CSMD1: variants seen among roughly 807,000 people sequenced by gnomAD.
CSMD1 encodes the protein CUB and Sushi multiple domains 1.
CSMD1 carries 213 observed loss-of-function variants against 417.5 expected under a neutral mutation model. That is an observed-to-expected ratio of 0.51 (90% CI 0.46 to 0.57). CSMD1 has a LOEUF of 0.57. CSMD1 is among the 20% of genes least tolerant of loss of function. The pLI is 0.00. For missense variants in CSMD1, 6,923 were observed against 4,529.7 expected, an observed-to-expected ratio of 1.53 and a Z score of -15.17; for synonymous variants, 2,862 against 1,736.8, an observed-to-expected ratio of 1.65 and a Z score of -16.11.
chr8:4,271,957 G>A (rs936142016), intron 3 of CSMD1, among the ~76,000 whole-genome samples: 6 of 152,038 alleles, frequency 3.9e-5, no homozygotes, highest in African/African-American at 7.2e-5. Flanking sequence ...CTCATGTATG[G>A]GCAAAGTCAG....
chr8:3,624,983 G>A (rs778525185), intron 7 of CSMD1, among the ~76,000 whole-genome samples: 4 of 151,978 alleles, frequency 2.6e-5, no homozygotes, highest in Non-Finnish European at 5.9e-5. Context: ...ATAAGAAAAT[G>A]TTGCCATGGT....
chr8:4,173,226 T>A (rs995951875), intron 3 of CSMD1, among the ~76,000 whole-genome samples: 12 of 152,204 alleles, frequency 7.9e-5, no homozygotes, highest in Non-Finnish European at 1.0e-4. Context: ...AATAACTCTT[T>A]AATGCAAGCT....
chr8:3,456,601 C>T (rs552151201), intron 12 of CSMD1, among the ~76,000 whole-genome samples: 3 of 152,294 alleles, frequency 2.0e-5, no homozygotes, highest in South Asian at 2.1e-4. Flanking sequence ...GTTGCGTTCT[C>T]TCCTATCCTA....
At chr8:4,258,312 G>T (rs547941848) in intron 3 of CSMD1, among the ~76,000 whole-genome samples, 1 of 108,318 alleles carries the variant, frequency 9.2e-6, no homozygotes, top group African/African-American at 3.9e-5. Flanking sequence ...AGAGAGTGAG[G>T]GAGGAGAGGG....
At chr8:4,141,774 G>C (rs1420978086) in intron 3 of CSMD1, among the ~76,000 whole-genome samples, 5 of 151,004 alleles carry the variant, frequency 3.3e-5, no homozygotes, top group Admixed American at 2.0e-4. Context: ...ACAATACACA[G>C]AAGTGAAACA....
intron 1 of CSMD1, among the ~76,000 whole-genome samples, chr8:4,941,854 C>A (rs553415934): frequency 5.4e-4 from 82 of 152,298 alleles, no homozygotes; most frequent in African/African-American, 1.9e-3. Flanking sequence ...CCCACCTCAG[C>A]CTACCAAAGT....
intron 3 of CSMD1, among the ~76,000 whole-genome samples, chr8:4,413,070 T>A (rs925670856): frequency 2.0e-5 from 3 of 152,292 alleles, no homozygotes; most frequent in African/African-American, 7.2e-5. Flanking sequence ...CGCATATAAT[T>A]TCACAGCTTC....
intron 5 of CSMD1, among the ~76,000 whole-genome samples, chr8:3,966,442 A>G (rs1043488002): frequency 1.3e-5 from 2 of 152,114 alleles, no homozygotes; most frequent in Non-Finnish European, 2.9e-5. Flanking sequence ...ATAATTACCT[A>G]CATATATTTT....
chr8:4,706,948 C>A (rs778077115), intron 1 of CSMD1, among the ~76,000 whole-genome samples: 3 of 152,174 alleles, frequency 2.0e-5, no homozygotes, highest in Non-Finnish European at 4.4e-5. Context: ...TCATCTGAAG[C>A]TTGGCAGAGG....
At chr8:4,351,872 G>A (rs1299553035) in intron 3 of CSMD1, among the ~76,000 whole-genome samples, 1 of 151,690 alleles carries the variant, frequency 6.6e-6, no homozygotes, top group African/African-American at 2.4e-5. Context: ...TATACGACAG[G>A]ACTTGTATGT....
chr8:4,969,739 T>C (rs1445896225), intron 1 of CSMD1, among the ~76,000 whole-genome samples: 1 of 152,090 alleles, frequency 6.6e-6, no homozygotes, highest in Non-Finnish European at 1.5e-5. Flanking sequence ...TATTGCACTA[T>C]GCTCCACTGT....
chr8:2,946,554 T>C (rs34806397), intron 68 of CSMD1, among the ~76,000 whole-genome samples: 35,901 of 152,156 alleles, frequency 0.24, 5,083 homozygotes, highest in Non-Finnish European at 0.32. Flanking sequence ...ATCCTTGTTG[T>C]AGGATTCTTC....
chr8:4,253,544 T>C (rs1041182803), intron 3 of CSMD1, among the ~76,000 whole-genome samples: 1 of 152,162 alleles, frequency 6.6e-6, no homozygotes, highest in Non-Finnish European at 1.5e-5. Context: ...ATGATGTTAT[T>C]TAATCTTGGA....
intron 3 of CSMD1, among the ~76,000 whole-genome samples, chr8:4,310,532 T>TGTTA (rs1412317966): frequency 3.3e-5 from 5 of 152,086 alleles, no homozygotes; most frequent in African/African-American, 9.7e-5. Context: ...AAAATATCTT[T>TGTTA]GGACACAATA....
At chr8:3,817,625 T>A (rs1165760532) in intron 5 of CSMD1, among the ~76,000 whole-genome samples, 1 of 152,120 alleles carries the variant, frequency 6.6e-6, no homozygotes, top group African/African-American at 2.4e-5. Context: ...AATATTCATC[T>A]GGCATTTTAG....
At chr8:3,246,362 T>A (rs1410885267) in intron 26 of CSMD1, among the ~76,000 whole-genome samples, 1 of 152,196 alleles carries the variant, frequency 6.6e-6, no homozygotes, top group Non-Finnish European at 1.5e-5. Context: ...CTTATTTGGG[T>A]CACCCTGAAA....
intron 3 of CSMD1, among the ~76,000 whole-genome samples, chr8:4,241,253 C>A (rs1802380288): frequency 6.6e-6 from 1 of 152,188 alleles, no homozygotes; most frequent in Non-Finnish European, 1.5e-5. Context: ...TTCATATACA[C>A]CACAGGGCCC....
chr8:3,181,298 G>T, intron 36 of CSMD1, 84 bp from the exon 37 acceptor site: 1 of 919,304 alleles, frequency 1.1e-6, no homozygotes, highest in Non-Finnish European at 1.7e-6. Flanking sequence ...ATACTTATTA[G>T]GCTTACAAAT....
At chr8:4,060,835 T>G (rs565612154) in intron 3 of CSMD1, among the ~76,000 whole-genome samples, 47 of 152,246 alleles carry the variant, frequency 3.1e-4, no homozygotes, top group African/African-American at 1.1e-3. Flanking sequence ...CAGAAATGCA[T>G]TAATCATGTA....
Sources: gnomAD v4.1 joint callset for allele counts (sites outside exome capture counted in the v4.1 genomes callset) on GRCh38, gnomAD v4.1.1 for gene constraint, MANE v1.5 for transcripts, NCBI Gene and HGNC (gene_info 2026-07-23, HGNC 2026-07-21) for gene names.